The following MEMO1 variants were observed in gnomAD, a reference collection of about 807,000 sequenced individuals.
The protein encoded by MEMO1 is protein MEMO1.
MEMO1 carries 6 observed loss-of-function variants against 45.2 expected under a neutral mutation model. The ratio of observed to expected loss-of-function variants is 0.13; its 90% CI spans 0.07 to 0.26. The LOEUF (loss-of-function observed/expected upper bound fraction) is 0.26. MEMO1 is among the 10% of genes least tolerant of loss of function. The pLI, the probability that MEMO1 is intolerant of heterozygous loss-of-function variation, is 1.00. For missense variants in MEMO1, 184 were observed against 370.5 expected, an observed-to-expected ratio of 0.50 and a Z score of 4.13; for synonymous variants, 78 against 124.3, an observed-to-expected ratio of 0.63 and a Z score of 2.48.
At position 31,969,586 on chromosome 2, in the gene MEMO1, G is replaced by GGTGTGT. The variant is rs367639470; in HGVS notation, c.62-26209_62-26204dup. ...AATCTTTTCTGGGGGTGTGTGTGTG[G>GGTGTGT]GTGTGTGTGTGTGTGTGTGTGTGTG... is the stretch of plus-strand genomic sequence containing the variant. On this transcript the variant is annotated intron_variant, in intron 2 of 9. Coordinates refer to ENST00000404530, the MANE Select transcript of MEMO1 (RefSeq NM_001301833.4). 6.8e-3 allele frequency among the ~76,000 whole-genome samples: 809 copies of GGTGTGT among 119,250 alleles called. 2 individuals carry two copies. The highest frequency in any genetic ancestry group is 0.013 in the East Asian group (54 of 4,096). The allele number at this position is 119,250 out of a possible 152,430, so 78.2% of individuals were successfully genotyped here.
chr2:31,996,762 GCT>G (rs1220040216), intron 2 of MEMO1, among the ~76,000 whole-genome samples: 3 of 152,148 alleles, frequency 2.0e-5, no homozygotes, highest in Non-Finnish European at 4.4e-5. Context: ...TCAAGGTCGT[GCT>G]CTGTCACCCA....
At chr2:31,881,169 T>C (rs1167851001) in intron 8 of MEMO1, among the ~76,000 whole-genome samples, 2 of 152,036 alleles carry the variant, frequency 1.3e-5, no homozygotes, top group Non-Finnish European at 2.9e-5. Flanking sequence ...AATTCTGTGT[T>C]TAGAACAACG....
At chr2:31,883,937 T>C (rs1216210897) in intron 7 of MEMO1, among the ~76,000 whole-genome samples, 1 of 150,994 alleles carries the variant, frequency 6.6e-6, no homozygotes, top group Non-Finnish European at 1.5e-5. Flanking sequence ...GCAAATACTG[T>C]GACTTGTGTG....
intron 2 of MEMO1, among the ~76,000 whole-genome samples, chr2:31,960,145 C>T (rs1471333161): frequency 6.6e-6 from 1 of 150,870 alleles, no homozygotes; most frequent in Non-Finnish European, 1.5e-5. Context: ...TGCAGTGAGT[C>T]GATATCACGC....
intron 6 of MEMO1, among the ~76,000 whole-genome samples, chr2:31,911,250 C>T (rs160796): frequency 0.99 from 150,881 of 152,298 alleles, 74,751 homozygotes; most frequent in Middle Eastern, 1. Flanking sequence ...GAAGGTATGT[C>T]GTTAAATGAA....
At chr2:31,878,558 T>C (rs1674900439) in intron 8 of MEMO1, among the ~76,000 whole-genome samples, 1 of 152,052 alleles carries the variant, frequency 6.6e-6, no homozygotes, top group Admixed American at 6.6e-5. Context: ...GGAATTCCGT[T>C]TGGAATATGT....
intron 3 of MEMO1, among the ~76,000 whole-genome samples, chr2:31,933,085 G>T (rs1395023035): frequency 3.3e-5 from 5 of 151,092 alleles, no homozygotes; most frequent in African/African-American, 1.2e-4. Context: ...TTTTTTTAAG[G>T]GGGTAAAAAT....
chr2:31,905,208 T>C lies in MEMO1; in HGVS notation c.437+12718A>G, dbSNP rs900500591. On this transcript the variant is annotated intron_variant, in intron 6 of 9. Transcript: ENST00000404530. ...GTAAGCATGCCACTGGACTCCAGCC[T>C]GGGTAACAGAGTGAAATCCTATCTC... Among the ~76,000 whole-genome samples, 3 of 152,012 alleles carry C rather than the reference T, an allele frequency of 2.0e-5. No homozygotes were observed. The East Asian group carries it at 5.8e-4, about 29-fold the overall frequency.
chr2:31,945,865 T>A (rs1666133733), intron 2 of MEMO1, among the ~76,000 whole-genome samples: 2 of 152,194 alleles, frequency 1.3e-5, no homozygotes, highest in African/African-American at 4.8e-5. Flanking sequence ...TAGGACAAAC[T>A]ATGTGTGACA....
chr2:31,957,871 T>C (rs1296498811), intron 2 of MEMO1, among the ~76,000 whole-genome samples: 2 of 152,216 alleles, frequency 1.3e-5, no homozygotes, highest in Non-Finnish European at 2.9e-5. Flanking sequence ...CAATTTTTGG[T>C]TTTGGGTATT....
chr2:31,989,792 T>A (rs924885579), intron 2 of MEMO1, among the ~76,000 whole-genome samples: 2 of 152,206 alleles, frequency 1.3e-5, no homozygotes, highest in Non-Finnish European at 2.9e-5. Flanking sequence ...TAGCGTTAAA[T>A]ATGGCTATCC....
intron 2 of MEMO1, among the ~76,000 whole-genome samples, chr2:31,983,274 T>A (rs1670874886): frequency 1.3e-5 from 2 of 152,202 alleles, no homozygotes; most frequent in East Asian, 3.9e-4. Flanking sequence ...AAAATTTTTT[T>A]AAATCTTAAT....
chr2:31,934,574 A>G (rs1664689150), intron 3 of MEMO1, among the ~76,000 whole-genome samples: 1 of 152,228 alleles, frequency 6.6e-6, no homozygotes, highest in Non-Finnish European at 1.5e-5. Context: ...AAGGGCCTAA[A>G]GACTAAAGGA....
chr2:31,988,919 G>A (rs148336292), intron 2 of MEMO1, among the ~76,000 whole-genome samples: 2,387 of 152,016 alleles, frequency 0.016, 35 homozygotes, highest in Non-Finnish European at 0.025. Context: ...AAAATGAATA[G>A]TGGGCAGCCA....
chr2:31,938,643 G>A (rs574538056), intron 3 of MEMO1, among the ~76,000 whole-genome samples: 152 of 151,622 alleles, frequency 1.0e-3, no homozygotes, highest in African/African-American at 3.4e-3. Flanking sequence ...GTGAGACTCC[G>A]TCCCAAAATA....
intron 6 of MEMO1, among the ~76,000 whole-genome samples, chr2:31,904,073 G>A (rs1323897085): frequency 6.6e-6 from 1 of 152,234 alleles, no homozygotes; most frequent in East Asian, 1.9e-4. Context: ...TGGCATTTCA[G>A]AGAGTCAAAA....
chr2:31,932,353 AT>A (rs1320043397), intron 3 of MEMO1, among the ~76,000 whole-genome samples: 4 of 151,296 alleles, frequency 2.6e-5, no homozygotes, highest in East Asian at 3.9e-4. Flanking sequence ...ATACTTTGTA[AT>A]TTTTTTTTGT....
At chr2:31,989,026 G>C (rs965869798) in intron 2 of MEMO1, among the ~76,000 whole-genome samples, 1 of 151,876 alleles carries the variant, frequency 6.6e-6, no homozygotes, top group East Asian at 1.9e-4. Context: ...GACCAACATG[G>C]AGAAACCCCG....
intron 7 of MEMO1, among the ~76,000 whole-genome samples, chr2:31,890,739 T>C (rs1676851035): frequency 6.6e-6 from 1 of 152,118 alleles, no homozygotes; most frequent in African/African-American, 2.4e-5. Flanking sequence ...AATTCTCTGA[T>C]GTGGGAGCCA....
Sources: allele counts gnomAD v4.1 joint callset (sites outside exome capture counted in the v4.1 genomes callset), GRCh38; gene constraint gnomAD v4.1.1; transcripts MANE v1.5; gene names NCBI Gene and HGNC (gene_info 2026-07-23, HGNC 2026-07-21).